The following AASS variants were observed in gnomAD, a reference collection of about 807,000 sequenced individuals.
The protein encoded by AASS is alpha-aminoadipic semialdehyde synthase, mitochondrial.
AASS carries 86 observed loss-of-function variants against 105.4 expected under a neutral mutation model. The observed-to-expected ratio is 0.82, with a 90% CI of 0.69 to 0.98. The LOEUF (loss-of-function observed/expected upper bound fraction) is 0.98, where lower values mean the gene tolerates loss of function less well. AASS is among the 50% of genes least tolerant of loss of function. The probability of loss-of-function intolerance (pLI) is 0.00; values close to 1 mark genes in which losing one functional copy is unlikely to be tolerated. For synonymous variants in AASS, 381 were observed against 394.8 expected (o/e 0.96, Z 0.41); for missense variants, 1,048 against 1,143.2 (o/e 0.92, Z 1.20).
intron 18 of AASS, 135 bp downstream of exon 18, chr7:122,091,567 TG>T: frequency 7.3e-7 from 1 of 1,364,438 alleles, no homozygotes; most frequent in Non-Finnish European, 1.0e-6. Flanking sequence ...AAATATACAC[TG>T]GGAAACAACA....
chr7:122,140,485 C>CAAAAAAAAAAAAAAAAAAAAAAAAAAAA (rs57828681), intron 1 of AASS, among the ~76,000 whole-genome samples: 8 of 37,336 alleles, frequency 2.1e-4, no homozygotes, highest in East Asian at 9.1e-4. Flanking sequence ...GACTCAGTCT[C>CAAAAAAAAAAAAAAAAAAAAAAAAAAAA]AAAAAAAAAA....
Position 122,093,035 on chromosome 7 carries a change from G to A in AASS, c.1766+13C>T. On this transcript the variant is annotated intron_variant, in intron 16 of 23. Coordinates refer to ENST00000417368, the MANE Select transcript of AASS (RefSeq NM_005763.4). ...TGGATCCACTCAGTTTGTTTAAAAT[G>A]ATTAAAACTTACCTCTTTTCCAATT... 6.2e-7 allele frequency: 1 copy of A among 1,611,650 alleles called. No individual in the cohort carries two copies. The highest frequency in any genetic ancestry group is 8.5e-7 in the Non-Finnish European group (1 of 1,177,808).
At chr7:122,086,648 A>G (rs1380912968) in intron 18 of AASS, among the ~76,000 whole-genome samples, 1 of 152,066 alleles carries the variant, frequency 6.6e-6, no homozygotes, top group Non-Finnish European at 1.5e-5. Context: ...GCTAAAAGCA[A>G]CAGATAATTA....
rs1209346558 is a variant in AASS, at chr7:122,113,809, A to G, written c.1044-89T>C. Reference sequence around the variant, plus strand: ...AAAAAGGAGTTTGGAACAATTTTCAATGTGGATCCCAAATATTTTCCAGGC... The same window carrying G: ...AAAAAGGAGTTTGGAACAATTTTCAGTGTGGATCCCAAATATTTTCCAGGC... On this transcript the variant is annotated intron_variant, in intron 9 of 23. Transcript: ENST00000417368. 15 of 1,448,588 alleles carry G rather than the reference A, an allele frequency of 1.0e-5. 1 individual carries two copies. Among genetic ancestry groups the G allele is most frequent in the South Asian group, 7.1e-5 (6 of 85,100 alleles). The allele number at this position is 1,448,588 out of a possible 1,614,324, so 89.7% of individuals were successfully genotyped here. A position where few individuals can be genotyped will look rare whatever the true frequency, so the allele number is the denominator to read the frequency against.
At chr7:122,131,528 A>T (rs6967194) in intron 2 of AASS, among the ~76,000 whole-genome samples, 2,035 of 152,006 alleles carry the variant, frequency 0.013, 51 homozygotes, top group African/African-American at 0.046. Flanking sequence ...AAAGGTAAAA[A>T]GTTGTGCAAT....
chr7:122,079,487 G>C (rs569886610), intron 21 of AASS, 110 bp downstream of exon 21: 5 of 1,094,010 alleles, frequency 4.6e-6, no homozygotes, highest in Non-Finnish European at 6.8e-6. Flanking sequence ...ACCCACATTA[G>C]AGCAACGAAT....
chr7:122,108,446 T>G (rs1794773452), intron 11 of AASS, among the ~76,000 whole-genome samples: 1 of 151,966 alleles, frequency 6.6e-6, no homozygotes, highest in Non-Finnish European at 1.5e-5. Context: ...AAAACCAAAT[T>G]TAACAGCATA....
At chr7:122,133,810 G>T in intron 1 of AASS, 69 bp from the exon 2 acceptor site, 1 of 1,313,676 alleles carries the variant, frequency 7.6e-7, no homozygotes, top group Non-Finnish European at 1.1e-6. Context: ...CTGGTCTCCT[G>T]AGAAATCTGA....
chr7:122,113,354 G>T (rs562246279), intron 10 of AASS, 125 bp from the exon 11 acceptor site: 2 of 1,045,806 alleles, frequency 1.9e-6, no homozygotes, highest in Non-Finnish European at 2.8e-6. Context: ...AAGTATACGC[G>T]AAAATAAACA....
intron 18 of AASS, among the ~76,000 whole-genome samples, chr7:122,090,283 T>C (rs1793831985): frequency 6.6e-6 from 1 of 152,136 alleles, no homozygotes; most frequent in South Asian, 2.1e-4. Flanking sequence ...GCAGCTGTGA[T>C]TCTCTGATCA....
intron 19 of AASS, chr7:122,083,013 AT>A: frequency 2.1e-6 from 1 of 476,854 alleles, no homozygotes; most frequent in South Asian, 1.6e-5. Flanking sequence ...AAGATAAGAA[AT>A]TTATCTTATC....
chr7:122,101,710 A>C (rs763261998), intron 11 of AASS, 30 bp from the exon 12 acceptor site: 26 of 1,549,580 alleles, frequency 1.7e-5, no homozygotes, highest in Non-Finnish European at 2.2e-5. Context: ...TGTAAGAGAT[A>C]AATGACACTG....
intron 11 of AASS, among the ~76,000 whole-genome samples, chr7:122,108,328 C>T (rs912213688): frequency 1.3e-5 from 2 of 151,944 alleles, no homozygotes; most frequent in African/African-American, 4.8e-5. Context: ...TTCTATAAGG[C>T]CAGTGTTATT....
intron 4 of AASS, among the ~76,000 whole-genome samples, chr7:122,124,774 G>A (rs1361402734): frequency 6.6e-6 from 1 of 152,120 alleles, no homozygotes; most frequent in Non-Finnish European, 1.5e-5. Flanking sequence ...TCATCTGGAT[G>A]AGTCCTGAAA....
intron 4 of AASS, among the ~76,000 whole-genome samples, chr7:122,121,163 T>A (rs1269438690): frequency 6.6e-6 from 1 of 152,120 alleles, no homozygotes; most frequent in Non-Finnish European, 1.5e-5. Flanking sequence ...TTTAGAGCCT[T>A]GTTTTATTTT....
chr7:122,113,157 T>C lies in AASS; in HGVS notation c.1239A>G (p.Glu413=). The C allele has an allele frequency of 5.0e-6, 8 of 1,614,004 alleles. No homozygotes were observed. The highest frequency in any genetic ancestry group is 1.1e-5 in the South Asian group (1 of 91,088). The change falls in exon 11 of 24, where the codon GAA becomes GAG. Residue 413 remains glutamate (E), a synonymous_variant. Coordinates refer to ENST00000417368, the MANE Select transcript of AASS (RefSeq NM_005763.4). The part of the protein sequence containing the change: ...LPAQLPIEAT[E]CFGDMLYPYV... ...AAGGGTAAAGCATGTCTCCAAAGCA[T>C]TCTGTAGCTTCAATTGGGAGCTGTG... is the stretch of plus-strand genomic sequence containing the variant.
At chr7:122,090,248 C>T (rs1447000836) in intron 18 of AASS, among the ~76,000 whole-genome samples, 1 of 152,076 alleles carries the variant, frequency 6.6e-6, no homozygotes, top group African/African-American at 2.4e-5. Context: ...CTAAAGTGTC[C>T]TGCTTGTTTA....
At position 122,091,705 on chromosome 7, in the gene AASS, T is replaced by C. The variant is rs1029893527; in HGVS notation, c.2014A>G (p.Lys672Glu). Residue 672 changes from lysine to glutamate, a missense_variant and splice_region_variant, in exon 18 of 24, where the codon AAG becomes GAG. Transcript: ENST00000417368. ...MQSATYLLDG[K>E]VVNVAGGISF... ...TATGCTTGGATAAGATTCCTCACCTTTCCATCGAGCAGATAGGTGGCAGAC... is the reference window on the plus strand; with the variant it reads ...TATGCTTGGATAAGATTCCTCACCTCTCCATCGAGCAGATAGGTGGCAGAC... 1.2e-6 allele frequency: 2 copies of C among 1,613,464 alleles called. No homozygotes were observed. Among genetic ancestry groups the C allele is most frequent in the Middle Eastern group, 1.7e-4 (1 of 6,056 alleles).
chr7:122,116,373 C>T (rs1213938440), intron 8 of AASS, among the ~76,000 whole-genome samples: 2 of 152,080 alleles, frequency 1.3e-5, no homozygotes, highest in African/African-American at 4.8e-5. Flanking sequence ...TGGCTTAGCG[C>T]TATTGGGCAC....
Sources: gnomAD v4.1 joint callset for allele counts (sites outside exome capture counted in the v4.1 genomes callset) on GRCh38, gnomAD v4.1.1 for gene constraint, MANE v1.5 for transcripts, NCBI Gene and HGNC (gene_info 2026-07-23, HGNC 2026-07-21) for gene names.